PALM2AKAP2: variants seen among roughly 807,000 people sequenced by gnomAD.
PALM2AKAP2 encodes PALM2 and AKAP2 fusion, also known as PALM2-AKAP2 fusion protein.
PALM2AKAP2 carries 37 observed loss-of-function variants against 71.5 expected under a neutral mutation model. That is an observed-to-expected ratio of 0.52 (90% CI 0.40 to 0.68). The LOEUF (loss-of-function observed/expected upper bound fraction) is 0.68, where lower values mean the gene tolerates loss of function less well. PALM2AKAP2 is among the 30% of genes least tolerant of loss of function. PALM2AKAP2 has a pLI of 0.00. For synonymous variants in PALM2AKAP2, 468 were observed against 478.8 expected, an observed-to-expected ratio of 0.98 and a Z score of 0.29; for missense variants, 1,224 against 1,191.8, an observed-to-expected ratio of 1.03 and a Z score of -0.40.
chr9:110,086,997 A>G (rs1834589262), intron 1 of PALM2AKAP2, among the ~76,000 whole-genome samples: 1 of 152,186 alleles, frequency 6.6e-6, no homozygotes, highest in African/African-American at 2.4e-5. Context: ...AAGTAAAACC[A>G]AAGTAATTGC....
At chr9:109,726,113 G>A (rs908519676) in intron 1 of PALM2AKAP2, among the ~76,000 whole-genome samples, 2 of 152,128 alleles carry the variant, frequency 1.3e-5, no homozygotes, top group African/African-American at 2.4e-5. Flanking sequence ...TTTCTTAGGG[G>A]AACTCCTTGG....
At chr9:109,797,655 G>C (rs1827301946) in intron 1 of PALM2AKAP2, among the ~76,000 whole-genome samples, 1 of 152,210 alleles carries the variant, frequency 6.6e-6, no homozygotes, top group South Asian at 2.1e-4. Context: ...GCACACCTTG[G>C]CTGTGAACCG....
chr9:110,102,948 G>A (rs1251176564), intron 1 of PALM2AKAP2, among the ~76,000 whole-genome samples: 1 of 152,074 alleles, frequency 6.6e-6, no homozygotes, highest in African/African-American at 2.4e-5. Flanking sequence ...AGCTTCAATT[G>A]CTAATTGTCC....
intron 6 of PALM2AKAP2, among the ~76,000 whole-genome samples, chr9:109,963,473 A>T (rs770245733): frequency 6.6e-6 from 1 of 152,148 alleles, no homozygotes; most frequent in Non-Finnish European, 1.5e-5. Flanking sequence ...ATCTAGCCAG[A>T]CTCAGCCACA....
intron 6 of PALM2AKAP2, among the ~76,000 whole-genome samples, chr9:109,954,376 CA>C (rs1382523989): frequency 6.6e-6 from 1 of 152,076 alleles, no homozygotes; most frequent in Non-Finnish European, 1.5e-5. Flanking sequence ...CAGCAGCCCC[CA>C]AGCCCTAGCT....
intron 2 of PALM2AKAP2, among the ~76,000 whole-genome samples, chr9:109,879,003 T>C (rs1587980186): frequency 6.6e-6 from 1 of 152,194 alleles, no homozygotes; most frequent in African/African-American, 2.4e-5. Flanking sequence ...TCCCAAAGTG[T>C]TGGGATTACA....
intron 2 of PALM2AKAP2, among the ~76,000 whole-genome samples, chr9:110,144,754 A>G (rs1836121880): frequency 6.6e-6 from 1 of 152,204 alleles, no homozygotes. Flanking sequence ...AGCTCATGTC[A>G]GGTTTTGCTG....
At chr9:109,951,075 C>T (rs2132078437) in intron 6 of PALM2AKAP2, among the ~76,000 whole-genome samples, 1 of 152,338 alleles carries the variant, frequency 6.6e-6, no homozygotes, top group East Asian at 1.9e-4. Context: ...TTCTTTCCTG[C>T]TCTCAAGCTC....
upstream of PALM2AKAP2, among the ~76,000 whole-genome samples, chr9:110,043,933 G>A (rs1833550332): frequency 6.6e-6 from 1 of 151,754 alleles, no homozygotes; most frequent in South Asian, 2.1e-4. Flanking sequence ...TGCCCAGGCT[G>A]GTCTCAAATT....
chr9:109,824,432 G>T (rs979761552), intron 1 of PALM2AKAP2, among the ~76,000 whole-genome samples: 1 of 152,190 alleles, frequency 6.6e-6, no homozygotes, highest in Admixed American at 6.5e-5. Flanking sequence ...CACTGCCTCT[G>T]TGACCATAAC....
intron 1 of PALM2AKAP2, among the ~76,000 whole-genome samples, chr9:109,836,652 A>G (rs1828488253): frequency 6.6e-6 from 1 of 152,236 alleles, no homozygotes; most frequent in African/African-American, 2.4e-5. Context: ...ACAAATGGCT[A>G]ACTAGAATAA....
intron 6 of PALM2AKAP2, among the ~76,000 whole-genome samples, chr9:109,965,427 A>G (rs539254442): frequency 1.5e-4 from 23 of 152,370 alleles, no homozygotes; most frequent in African/African-American, 4.6e-4. Context: ...AAATTTTGAT[A>G]TATGTCACAA....
chr9:109,664,327 C>T (rs552130722), intron 1 of PALM2AKAP2, among the ~76,000 whole-genome samples: 6 of 152,202 alleles, frequency 3.9e-5, no homozygotes, highest in African/African-American at 1.2e-4. Context: ...TGGCTGGTAC[C>T]GGTTGTTTCT....
chr9:110,052,489 T>A (rs947974303), intron 1 of PALM2AKAP2, among the ~76,000 whole-genome samples: 7 of 152,236 alleles, frequency 4.6e-5, no homozygotes, highest in Non-Finnish European at 1.0e-4. Flanking sequence ...TTTTCATGAA[T>A]ATATTATAGG....
chr9:109,650,232 G>A (rs529012431), intron 1 of PALM2AKAP2, among the ~76,000 whole-genome samples: 1 of 151,978 alleles, frequency 6.6e-6, no homozygotes, highest in East Asian at 1.9e-4. Flanking sequence ...TTGGGCCTTT[G>A]TGTACTCTCT....
intron 1 of PALM2AKAP2, among the ~76,000 whole-genome samples, chr9:109,756,590 T>C (rs1828967704): frequency 6.6e-6 from 1 of 152,180 alleles, no homozygotes; most frequent in African/African-American, 2.4e-5. Flanking sequence ...CACCCTGAAA[T>C]TAGGTGTTTA....
intron 1 of PALM2AKAP2, among the ~76,000 whole-genome samples, chr9:109,652,674 A>G (rs1827243043): frequency 6.6e-6 from 1 of 152,198 alleles, no homozygotes; most frequent in Non-Finnish European, 1.5e-5. Context: ...TTATTTATTA[A>G]TTCATTCAAC....
At chr9:109,889,267 A>T (rs973095720) in intron 3 of PALM2AKAP2, among the ~76,000 whole-genome samples, 2 of 152,242 alleles carry the variant, frequency 1.3e-5, no homozygotes, top group African/African-American at 4.8e-5. Context: ...ATTTTATGAC[A>T]GTTCATAAAA....
At chr9:109,742,975 G>A (rs747138736) in intron 1 of PALM2AKAP2, among the ~76,000 whole-genome samples, 12 of 152,186 alleles carry the variant, frequency 7.9e-5, no homozygotes, top group African/African-American at 7.2e-5. Flanking sequence ...AGAAGGAGTG[G>A]AGAAAGGCTT....
Sources: allele counts gnomAD v4.1 joint callset (sites outside exome capture counted in the v4.1 genomes callset), GRCh38; gene constraint gnomAD v4.1.1; transcripts MANE v1.5; gene names NCBI Gene and HGNC (gene_info 2026-07-23, HGNC 2026-07-21).